The following SLC5A4 variants were observed in gnomAD, a reference collection of about 807,000 sequenced individuals.
SLC5A4 encodes solute carrier family 5 member 4.
SLC5A4 carries 55 observed loss-of-function variants against 70.3 expected under a neutral mutation model. The ratio of observed to expected loss-of-function variants is 0.78; its 90% CI spans 0.63 to 0.98. The LOEUF (loss-of-function observed/expected upper bound fraction) is 0.98, where lower values mean the gene tolerates loss of function less well. Ranked by LOEUF, SLC5A4 falls within the 50% of genes least tolerant of loss-of-function variation. The pLI is 0.00. For synonymous variants in SLC5A4, 268 were observed against 305.7 expected (o/e 0.88, Z 1.29); for missense variants, 735 against 839.2 (o/e 0.88, Z 1.53).
At chr22:32,349,106 C>T in the SLC5A4 span, among the ~76,000 whole-genome samples, 4 of 152,074 alleles carry the variant, frequency 2.6e-5, no homozygotes, top group Admixed American at 2.0e-4. Context: ...TCCCGAGTAG[C>T]TGGGATTACA....
At chr22:32,343,453 C>T in the SLC5A4 span, among the ~76,000 whole-genome samples, 1 of 152,128 alleles carries the variant, frequency 6.6e-6, no homozygotes, top group Non-Finnish European at 1.5e-5. Flanking sequence ...ACGGTAAAAG[C>T]AACACTCTAA....
chr22:32,340,833 A>T, the SLC5A4 span, among the ~76,000 whole-genome samples: 3 of 152,212 alleles, frequency 2.0e-5, no homozygotes, highest in African/African-American at 7.2e-5. Context: ...AAAGGAGACC[A>T]TCGGCACGTC....
At chr22:32,231,097 A>G in intron 9 of SLC5A4, 22 bp from the exon 10 acceptor site, 1 of 1,473,646 alleles carries the variant, frequency 6.8e-7, no homozygotes, top group Non-Finnish European at 9.5e-7. Flanking sequence ...TTCAGAAGTG[A>G]GTCCAATGAG....
chr22:32,344,883 T>C, the SLC5A4 span, among the ~76,000 whole-genome samples: 7 of 152,102 alleles, frequency 4.6e-5, no homozygotes, highest in African/African-American at 1.4e-4. Context: ...AATACGGAAA[T>C]TAAAGAAAAA....
the SLC5A4 span, among the ~76,000 whole-genome samples, chr22:32,277,375 G>C: frequency 3.9e-5 from 6 of 152,056 alleles, no homozygotes; most frequent in Non-Finnish European, 7.4e-5. Context: ...TTTAACTTCT[G>C]CTTTCTTATA....
At chr22:32,311,971 T>C in the SLC5A4 span, among the ~76,000 whole-genome samples, 2 of 152,090 alleles carry the variant, frequency 1.3e-5, no homozygotes, top group African/African-American at 4.8e-5. Flanking sequence ...ATGTGGCGCC[T>C]GGGCACCCCC....
At chr22:32,331,159 GTGTGTTGGGGGGCTCTGGTGTA>G in the SLC5A4 span, among the ~76,000 whole-genome samples, 20 of 112,452 alleles carry the variant, frequency 1.8e-4, no homozygotes, top group African/African-American at 5.5e-4. Flanking sequence ...GCTCTGGTGT[GTGTGTTGGGGGGCTCTGGTGTA>G]TGTGTTGGGG....
the SLC5A4 span, among the ~76,000 whole-genome samples, chr22:32,291,834 G>GTA: frequency 1.4e-5 from 2 of 145,308 alleles, no homozygotes; most frequent in Admixed American, 7.0e-5. Context: ...ATGTGTGTGT[G>GTA]TATATATATG....
At chr22:32,338,929 G>A in the SLC5A4 span, among the ~76,000 whole-genome samples, 554 of 152,220 alleles carry the variant, frequency 3.6e-3, 11 homozygotes, top group Non-Finnish European at 7.6e-4. Flanking sequence ...TCCTCCTCCT[G>A]CCCCCAGGAG....
chr22:32,331,305 C>G, the SLC5A4 span, among the ~76,000 whole-genome samples: 3 of 151,994 alleles, frequency 2.0e-5, no homozygotes, highest in Non-Finnish European at 4.4e-5. Flanking sequence ...ACTTTGGACA[C>G]GTGCTTTGGC....
chr22:32,345,247 A>G, the SLC5A4 span, among the ~76,000 whole-genome samples: 43 of 151,636 alleles, frequency 2.8e-4, no homozygotes, highest in Non-Finnish European at 5.2e-4. Context: ...GAAATGTAAC[A>G]TTATTAAAGA....
chr22:32,239,566 A>ATATATATT (rs1926350446), intron 5 of SLC5A4, among the ~76,000 whole-genome samples: 1 of 23,516 alleles, frequency 4.3e-5, no homozygotes, highest in Non-Finnish European at 7.9e-5. Context: ...ATATATATAT[A>ATATATATT]TATTTATATA....
At chr22:32,219,720 A>T (rs536667508) in intron 14 of SLC5A4, among the ~76,000 whole-genome samples, 1 of 151,662 alleles carries the variant, frequency 6.6e-6, no homozygotes, top group Non-Finnish European at 1.5e-5. Flanking sequence ...ATAGAAAAGA[A>T]GGAAAATAAT....
At chr22:32,255,130 C>G (rs1193206525) in intron 1 of SLC5A4, 65 bp downstream of exon 1, 105 of 1,176,024 alleles carry the variant, frequency 8.9e-5, no homozygotes, top group Non-Finnish European at 1.2e-4. Context: ...CACACCCCTT[C>G]CCCCCTTAAG....
the SLC5A4 span, among the ~76,000 whole-genome samples, chr22:32,326,976 C>A: frequency 0.15 from 22,589 of 152,166 alleles, 1,813 homozygotes; most frequent in East Asian, 0.3. Flanking sequence ...TCCAGCAGGG[C>A]CCCGTGCTGC....
chr22:32,320,873 GCTCTGTGGACGATCCGGCAACCTCT>G, the SLC5A4 span, among the ~76,000 whole-genome samples: 1 of 152,048 alleles, frequency 6.6e-6, no homozygotes, highest in African/African-American at 2.4e-5. Flanking sequence ...TCACCACCAT[GCTCTGTGGACGATCCGGCAACCTCT>G]CTCTGTGTAC....
chr22:32,330,935 A>ATGCGGGGCTGTGGTGTG, the SLC5A4 span, among the ~76,000 whole-genome samples: 1 of 19,234 alleles, frequency 5.2e-5, no homozygotes, highest in Non-Finnish European at 1.1e-4. Flanking sequence ...TCTGGTGTGT[A>ATGCGGGGCTGTGGTGTG]TGTGTTGGAG....
chr22:32,262,738 A>G, the SLC5A4 span, among the ~76,000 whole-genome samples: 1 of 152,196 alleles, frequency 6.6e-6, no homozygotes, highest in African/African-American at 2.4e-5. Context: ...ACAGTCAGAA[A>G]TAAAAGTGCG....
chr22:32,335,063 A>G, the SLC5A4 span, among the ~76,000 whole-genome samples: 5 of 152,298 alleles, frequency 3.3e-5, no homozygotes, highest in African/African-American at 7.2e-5. Flanking sequence ...TCCTGCCTCC[A>G]AGAGATCACA....
Sources: allele counts gnomAD v4.1 joint callset (sites outside exome capture counted in the v4.1 genomes callset), GRCh38; gene constraint gnomAD v4.1.1; transcripts MANE v1.5; gene names NCBI Gene and HGNC (gene_info 2026-07-23, HGNC 2026-07-21).